FSTL4: variants seen among roughly 807,000 people sequenced by gnomAD.
FSTL4 encodes follistatin like 4, also known as follistatin-related protein 4.
A neutral mutation model predicts 78.2 loss-of-function variants in FSTL4; 28 were observed. That is an observed-to-expected ratio of 0.36 (90% CI 0.27 to 0.49). The LOEUF is 0.49. Ranked by LOEUF, FSTL4 falls within the 20% of genes least tolerant of loss-of-function variation. The probability of loss-of-function intolerance (pLI) is 0.98; values close to 1 mark genes in which losing one functional copy is unlikely to be tolerated. For missense variants in FSTL4, 922 were observed against 1,084.9 expected (o/e 0.85, Z 2.11); for synonymous variants, 422 against 440.5 (o/e 0.96, Z 0.53).
At chr5:133,498,551 T>G (rs182846717) in intron 3 of FSTL4, among the ~76,000 whole-genome samples, 14 of 152,102 alleles carry the variant, frequency 9.2e-5, no homozygotes, top group African/African-American at 3.4e-4. Context: ...AAACCCAGTC[T>G]CTACTAAATA....
chr5:133,644,585 C>T, the FSTL4 span, among the ~76,000 whole-genome samples: 3 of 152,092 alleles, frequency 2.0e-5, no homozygotes, highest in African/African-American at 7.2e-5. Flanking sequence ...GGGAGGACAG[C>T]TTTGGTGGAG....
the FSTL4 span, among the ~76,000 whole-genome samples, chr5:133,669,622 C>A: frequency 3.3e-5 from 5 of 152,194 alleles, no homozygotes; most frequent in African/African-American, 1.2e-4. Flanking sequence ...TTGGGAGCAT[C>A]TGGGACTAGC....
the FSTL4 span, among the ~76,000 whole-genome samples, chr5:133,618,506 T>G: frequency 2.0e-5 from 3 of 152,198 alleles, no homozygotes; most frequent in Non-Finnish European, 4.4e-5. Context: ...AAAGACCAGA[T>G]GCTCAGTTGT....
At chr5:133,710,242 G>C in the FSTL4 span, among the ~76,000 whole-genome samples, 1 of 152,150 alleles carries the variant, frequency 6.6e-6, no homozygotes, top group Non-Finnish European at 1.5e-5. Flanking sequence ...ACAATCATTG[G>C]TTGCATCTGA....
At chr5:133,261,827 C>CA (rs1752531060) in intron 6 of FSTL4, among the ~76,000 whole-genome samples, 1 of 151,962 alleles carries the variant, frequency 6.6e-6, no homozygotes, top group African/African-American at 2.4e-5. Flanking sequence ...TCCATCTCTA[C>CA]AAAAAATACA....
At chr5:133,242,905 T>C (rs2126814738) in intron 7 of FSTL4, among the ~76,000 whole-genome samples, 1 of 152,370 alleles carries the variant, frequency 6.6e-6, no homozygotes, top group East Asian at 1.9e-4. Flanking sequence ...CAGCTCTCCA[T>C]GCTAATCAAA....
chr5:133,657,963 T>TCTGGTTTCC, the FSTL4 span, among the ~76,000 whole-genome samples: 1 of 152,112 alleles, frequency 6.6e-6, no homozygotes, highest in South Asian at 2.1e-4. Flanking sequence ...TTCCATTTAT[T>TCTGGTTTCC]CTGGTTTCCT....
the FSTL4 span, among the ~76,000 whole-genome samples, chr5:133,633,693 G>GC: frequency 6.6e-6 from 1 of 152,070 alleles, no homozygotes; most frequent in African/African-American, 2.4e-5. Context: ...ATGAAACCTG[G>GC]CCAGTTTGAA....
At chr5:133,666,998 G>C in the FSTL4 span, among the ~76,000 whole-genome samples, 2 of 152,092 alleles carry the variant, frequency 1.3e-5, no homozygotes, top group Admixed American at 6.5e-5. Context: ...TGAGTTCCAG[G>C]CTCATGTAAC....
the FSTL4 span, among the ~76,000 whole-genome samples, chr5:133,653,573 T>C: frequency 6.6e-6 from 1 of 152,220 alleles, no homozygotes; most frequent in African/African-American, 2.4e-5. Context: ...CTGTTTATTG[T>C]GGTCAAATCC....
chr5:133,504,498 A>G (rs1758571733), intron 3 of FSTL4, among the ~76,000 whole-genome samples: 1 of 152,162 alleles, frequency 6.6e-6, no homozygotes, highest in Admixed American at 6.5e-5. Context: ...TAATCCTTTA[A>G]AACTATAAAC....
At chr5:133,487,585 C>T (rs1314515748) in intron 3 of FSTL4, among the ~76,000 whole-genome samples, 1 of 152,172 alleles carries the variant, frequency 6.6e-6, no homozygotes, top group Non-Finnish European at 1.5e-5. Flanking sequence ...TTGCCAGTGT[C>T]TCCCAAGTTG....
chr5:133,780,569 C>T, the FSTL4 span, among the ~76,000 whole-genome samples: 2 of 152,166 alleles, frequency 1.3e-5, no homozygotes, highest in African/African-American at 4.8e-5. Context: ...GTATACCCAG[C>T]ACTTAGCACA....
intron 4 of FSTL4, among the ~76,000 whole-genome samples, chr5:133,324,427 C>T (rs750969557): frequency 3.9e-5 from 6 of 152,352 alleles, no homozygotes; most frequent in Admixed American, 6.5e-5. Flanking sequence ...CTTGCTGCCC[C>T]GTCCTACTCT....
intron 4 of FSTL4, among the ~76,000 whole-genome samples, chr5:133,325,443 GT>G (rs919334602): frequency 3.3e-5 from 5 of 152,280 alleles, no homozygotes; most frequent in African/African-American, 9.6e-5. Flanking sequence ...ACTCTCAGGA[GT>G]CCCCCTTTGA....
chr5:133,401,042 C>T (rs934081981), intron 3 of FSTL4, 56 bp from the exon 4 acceptor site: 20 of 1,588,746 alleles, frequency 1.3e-5, no homozygotes, highest in Middle Eastern at 2.0e-4. Context: ...GGTCTGGGGT[C>T]GAGGGCTTCC....
At chr5:133,494,638 G>C (rs1185349655) in intron 3 of FSTL4, among the ~76,000 whole-genome samples, 2 of 152,228 alleles carry the variant, frequency 1.3e-5, no homozygotes, top group African/African-American at 4.8e-5. Context: ...CATAGGTTTT[G>C]ATCAACTTAG....
chr5:133,817,772 A>G, the FSTL4 span, among the ~76,000 whole-genome samples: 1 of 152,194 alleles, frequency 6.6e-6, no homozygotes, highest in Admixed American at 6.5e-5. Flanking sequence ...AGAAATACAG[A>G]GTATGGAGGG....
chr5:133,282,069 G>A (rs976903944), intron 6 of FSTL4, among the ~76,000 whole-genome samples: 2 of 152,176 alleles, frequency 1.3e-5, no homozygotes, highest in African/African-American at 2.4e-5. Context: ...TGGGAATGGC[G>A]GATGAGTGAG....
Sources: allele counts gnomAD v4.1 joint callset (sites outside exome capture counted in the v4.1 genomes callset), GRCh38; gene constraint gnomAD v4.1.1; transcripts MANE v1.5; gene names NCBI Gene and HGNC (gene_info 2026-07-23, HGNC 2026-07-21).